The following STK3 variants were observed in gnomAD, a reference collection of about 807,000 sequenced individuals.
The protein encoded by STK3 is serine/threonine-protein kinase 3.
In STK3, 41 loss-of-function variants were observed where a neutral mutation model predicts 58.0. The observed-to-expected ratio is 0.71, with a 90% confidence interval of 0.55 to 0.92. The LOEUF (loss-of-function observed/expected upper bound fraction) is 0.92, where lower values mean the gene tolerates loss of function less well. STK3 is among the 40% of genes least tolerant of loss of function. The pLI is 0.00. For synonymous variants in STK3, 170 were observed against 191.0 expected (o/e 0.89, Z 0.91); for missense variants, 479 against 602.7 (o/e 0.79, Z 2.15).
At chr8:98,420,416 C>T (rs1818158339) in intron 3 of STK3, among the ~76,000 whole-genome samples, 2 of 152,154 alleles carry the variant, frequency 1.3e-5, no homozygotes, top group Non-Finnish European at 2.9e-5. Flanking sequence ...AGTTATTGTT[C>T]ATCTCTTACT....
At chr8:98,918,510 C>T (rs1488437907) in intron 1 of STK3, among the ~76,000 whole-genome samples, 1 of 152,138 alleles carries the variant, frequency 6.6e-6, no homozygotes, top group Non-Finnish European at 1.5e-5. Flanking sequence ...TGGCTTATCC[C>T]TGTAATCCCA....
At chr8:98,567,304 C>A (rs532325442) in intron 8 of STK3, among the ~76,000 whole-genome samples, 52 of 152,270 alleles carry the variant, frequency 3.4e-4, no homozygotes, top group Non-Finnish European at 4.4e-5. Flanking sequence ...CTCAAGCAAT[C>A]CTTCCACCTC....
At chr8:98,365,739 C>T in the STK3 span, among the ~76,000 whole-genome samples, 1 of 146,298 alleles carries the variant, frequency 6.8e-6, no homozygotes, top group Non-Finnish European at 1.5e-5. Flanking sequence ...CAATATATAA[C>T]ATTTTTCCAT....
At chr8:98,574,581 A>T (rs1299383837) in intron 8 of STK3, among the ~76,000 whole-genome samples, 1 of 152,224 alleles carries the variant, frequency 6.6e-6, no homozygotes, top group African/African-American at 2.4e-5. Context: ...AGTATAGATT[A>T]TTCTAATGGA....
intron 2 of STK3, among the ~76,000 whole-genome samples, chr8:98,772,546 A>C (rs985386072): frequency 1.3e-5 from 2 of 152,046 alleles, no homozygotes; most frequent in Non-Finnish European, 2.9e-5. Flanking sequence ...TAAAAATATG[A>C]AAATTAGCTG....
chr8:98,384,618 C>T (rs1817771263), intron 1 of STK3, among the ~76,000 whole-genome samples: 1 of 152,128 alleles, frequency 6.6e-6, no homozygotes, highest in Non-Finnish European at 1.5e-5. Context: ...CTCTCTCTGT[C>T]TCATCTTCCA....
chr8:98,633,410 AT>A, intron 6 of STK3: 1 of 473,238 alleles, frequency 2.1e-6, no homozygotes, highest in South Asian at 2.9e-5. Flanking sequence ...TAGCAGCATC[AT>A]GAAGTTTACT....
intron 10 of STK3, among the ~76,000 whole-genome samples, chr8:98,504,871 G>T (rs1384538160): frequency 2.0e-5 from 3 of 152,034 alleles, no homozygotes; most frequent in African/African-American, 7.2e-5. Flanking sequence ...ATGTGTCTTG[G>T]GGTTGCTCCT....
At chr8:98,765,871 TAGA>T (rs1405051392) in intron 3 of STK3, among the ~76,000 whole-genome samples, 1 of 152,244 alleles carries the variant, frequency 6.6e-6, no homozygotes, top group Non-Finnish European at 1.5e-5. Context: ...GAATCCCTTA[TAGA>T]ATAAAGCCTA....
chr8:98,389,936 G>A (rs188830449), upstream of STK3, among the ~76,000 whole-genome samples: 18 of 152,034 alleles, frequency 1.2e-4, no homozygotes, highest in East Asian at 3.1e-3. Flanking sequence ...GCAGAGGAGG[G>A]ATGTGATTTG....
chr8:98,837,072 T>A (rs1016509112), intron 3 of STK3, among the ~76,000 whole-genome samples: 1 of 152,194 alleles, frequency 6.6e-6, no homozygotes, highest in African/African-American at 2.4e-5. Flanking sequence ...TAAATAGTTT[T>A]GACCTTGTGG....
rs1164638081 is a variant in STK3 at position 98,767,322 on chromosome 8, C to A, written c.157G>T (p.Val53Phe). ...KAIHKESGQV[V>F]AIKQVPVESD... ...TCAACAGGTACTTGTTTAATTGCGACAACTTGACCGGATTCCTTGTGTATT... is the reference window on the plus strand; with the variant it reads ...TCAACAGGTACTTGTTTAATTGCGAAAACTTGACCGGATTCCTTGTGTATT... Residue 53 changes from valine (V) to phenylalanine (F), a missense_variant, in exon 3 of 11, where the codon GTC becomes TTC. By Grantham distance (50) the Val-to-Phe change is conservative. Around this residue, in one of 3 missense-constraint regions of STK3, gnomAD observed 126 missense variants for 210.1 expected, o/e 0.60. Coordinates refer to ENST00000419617, the MANE Select transcript of STK3 (RefSeq NM_006281.4). 1 of 1,611,306 alleles carries A rather than the reference C, an allele frequency of 6.2e-7. No individual in the cohort carries two copies. Among genetic ancestry groups the A allele is most frequent in the South Asian group, 1.1e-5 (1 of 90,608 alleles).
intron 3 of STK3, among the ~76,000 whole-genome samples, chr8:98,833,874 C>T (rs1306449281): frequency 2.0e-5 from 3 of 152,052 alleles, no homozygotes; most frequent in African/African-American, 4.8e-5. Flanking sequence ...AAACCTGTTA[C>T]GACCATTTGT....
At chr8:98,861,209 T>A (rs1030479804) in intron 3 of STK3, among the ~76,000 whole-genome samples, 3 of 151,998 alleles carry the variant, frequency 2.0e-5, no homozygotes, top group Admixed American at 6.6e-5. Flanking sequence ...GTTTGAATGA[T>A]CCCTAAAAGG....
At chr8:98,375,264 A>ACC (rs892960834) in intron 2 of STK3, among the ~76,000 whole-genome samples, 1 of 139,992 alleles carries the variant, frequency 7.1e-6, no homozygotes, top group Non-Finnish European at 1.5e-5. Flanking sequence ...CCAAAACAAA[A>ACC]AAAAAACAAA....
At chr8:98,550,703 C>T (rs1388193773) in intron 8 of STK3, among the ~76,000 whole-genome samples, 1 of 152,214 alleles carries the variant, frequency 6.6e-6, no homozygotes, top group Non-Finnish European at 1.5e-5. Context: ...GAGGACTCTC[C>T]CATCTAACTT....
At chr8:98,645,080 C>A (rs557006116) in intron 6 of STK3, among the ~76,000 whole-genome samples, 1 of 152,266 alleles carries the variant, frequency 6.6e-6, no homozygotes, top group South Asian at 2.1e-4. Context: ...ATTAGTACAA[C>A]CCTTGGTGTA....
intron 6 of STK3, among the ~76,000 whole-genome samples, chr8:98,632,151 A>C (rs982947330): frequency 6.6e-6 from 1 of 152,246 alleles, no homozygotes; most frequent in African/African-American, 2.4e-5. Context: ...AAAAATCCAT[A>C]AACCTCGCAA....
chr8:98,780,087 G>C (rs2131522705), intron 1 of STK3, among the ~76,000 whole-genome samples: 2 of 151,602 alleles, frequency 1.3e-5, no homozygotes, highest in South Asian at 4.2e-4. Flanking sequence ...TAATAATGTA[G>C]TATAACATAA....
Sources: gnomAD v4.1 joint callset for allele counts (sites outside exome capture counted in the v4.1 genomes callset) on GRCh38, gnomAD v4.1.1 for gene constraint, gnomAD v4.1.1 regional missense constraint, MANE v1.5 for transcripts, NCBI Gene and HGNC (gene_info 2026-07-23, HGNC 2026-07-21) for gene names.